The following SDK1 variants were observed in gnomAD, a reference collection of about 807,000 sequenced individuals.
SDK1 encodes the protein protein sidekick-1.
A neutral mutation model predicts 245.5 loss-of-function variants in SDK1; 157 were observed. The ratio of observed to expected loss-of-function variants is 0.64; its 90% CI spans 0.56 to 0.73. The LOEUF (loss-of-function observed/expected upper bound fraction) is 0.73. Ranked by LOEUF, SDK1 falls within the 30% of genes least tolerant of loss-of-function variation. The probability of loss-of-function intolerance (pLI) is 0.00; values close to 1 mark genes in which losing one functional copy is unlikely to be tolerated. For synonymous variants in SDK1, 1,647 were observed against 1,278.5 expected (o/e 1.29, Z -6.15); for missense variants, 3,583 against 3,002.3 (o/e 1.19, Z -4.52).
At chr7:3,958,335 T>A (rs1781423515) in intron 7 of SDK1, 2 of 264,408 alleles carry the variant, frequency 7.6e-6, no homozygotes, top group Non-Finnish European at 1.5e-5. Context: ...CTGTTTTTTT[T>A]TCTGCGGAAC....
At chr7:3,323,266 C>T (rs1427685390) in intron 1 of SDK1, among the ~76,000 whole-genome samples, 1 of 152,194 alleles carries the variant, frequency 6.6e-6, no homozygotes, top group African/African-American at 2.4e-5. Context: ...ACATTCCCTG[C>T]ATCCGGCACA....
chr7:3,687,676 A>T (rs987884102), intron 4 of SDK1, among the ~76,000 whole-genome samples: 3 of 152,180 alleles, frequency 2.0e-5, no homozygotes, highest in African/African-American at 7.2e-5. Context: ...TGACAGAATT[A>T]TCAGAGTGGA....
chr7:3,942,283 A>G (rs183931188), intron 5 of SDK1, among the ~76,000 whole-genome samples: 40 of 152,266 alleles, frequency 2.6e-4, no homozygotes, highest in African/African-American at 8.4e-4. Context: ...ACAGAGATAA[A>G]TAAGACATGC....
intron 25 of SDK1, among the ~76,000 whole-genome samples, chr7:4,123,224 C>T (rs1451645028): frequency 6.6e-6 from 1 of 152,184 alleles, no homozygotes; most frequent in Non-Finnish European, 1.5e-5. Flanking sequence ...TCTCTTTTTG[C>T]AGACAGGGAC....
chr7:3,410,015 C>T lies in SDK1; in HGVS notation c.298+108131C>T, dbSNP rs560990478. Among the ~76,000 whole-genome samples the T allele has an allele frequency of 2.6e-5, 4 of 151,918 alleles. No individual in the cohort carries two copies. In the South Asian group the frequency reaches 8.3e-4, roughly 32 times the overall value. On this transcript the variant is annotated intron_variant, in intron 1 of 44. Transcript: ENST00000404826. The stretch of plus-strand genomic sequence containing the variant: ...GCTGTCTGTGCTTCAATGTCCTCAC[C>T]TGTAAAAGGGATTTAATAGTAGGAT...
chr7:3,348,614 G>A (rs1229398032), intron 1 of SDK1, among the ~76,000 whole-genome samples: 1 of 152,120 alleles, frequency 6.6e-6, no homozygotes, highest in Non-Finnish European at 1.5e-5. Flanking sequence ...CACTACCTGG[G>A]CTATGGGCTC....
chr7:3,461,237 C>G (rs1163155927), intron 1 of SDK1, among the ~76,000 whole-genome samples: 1 of 152,192 alleles, frequency 6.6e-6, no homozygotes, highest in Non-Finnish European at 1.5e-5. Context: ...TGTCTAGTTT[C>G]TCTTGATTCC....
At chr7:3,882,968 A>G (rs960358508) in intron 5 of SDK1, among the ~76,000 whole-genome samples, 6 of 152,170 alleles carry the variant, frequency 3.9e-5, no homozygotes, top group South Asian at 2.1e-4. Flanking sequence ...CCCCGTTTCC[A>G]TAGATCAGTT....
At chr7:3,535,283 A>G (rs1778845295) in intron 1 of SDK1, among the ~76,000 whole-genome samples, 1 of 152,168 alleles carries the variant, frequency 6.6e-6, no homozygotes, top group South Asian at 2.1e-4. Context: ...TAATAAATAA[A>G]GAAAAAGAAA....
intron 1 of SDK1, among the ~76,000 whole-genome samples, chr7:3,310,915 G>A (rs940897147): frequency 2.6e-5 from 4 of 152,190 alleles, no homozygotes; most frequent in Admixed American, 6.5e-5. Context: ...TCCTGTAGTT[G>A]TTGTGAGGGC....
At chr7:4,182,002 C>G (rs1782629217) in intron 35 of SDK1, among the ~76,000 whole-genome samples, 1 of 152,204 alleles carries the variant, frequency 6.6e-6, no homozygotes, top group African/African-American at 2.4e-5. Flanking sequence ...TCACTGCAAT[C>G]TCCATCTCCC....
chr7:3,824,377 A>AT lies in SDK1; in HGVS notation c.847+2799dup, dbSNP rs1779718940. On this transcript the variant is annotated intron_variant, in intron 5 of 44. Coordinates refer to ENST00000404826, the MANE Select transcript of SDK1 (RefSeq NM_152744.4). The stretch of plus-strand genomic sequence containing the variant: ...GCCAATTATCATTTAATGAAGATAC[A>AT]TTTTTGCTTGCTGTCGGGAGAATAA... 2.0e-5 allele frequency among the ~76,000 whole-genome samples: 3 copies of AT among 152,300 alleles called. No homozygotes were observed. The South Asian group carries it at 6.2e-4, about 32-fold the overall frequency.
chr7:3,890,067 G>A (rs1002760920), intron 5 of SDK1, among the ~76,000 whole-genome samples: 1 of 152,198 alleles, frequency 6.6e-6, no homozygotes, highest in Non-Finnish European at 1.5e-5. Context: ...CAGAGCCTTG[G>A]GAGACCGTCT....
At chr7:3,466,341 C>G (rs1781001142) in intron 1 of SDK1, among the ~76,000 whole-genome samples, 1 of 151,178 alleles carries the variant, frequency 6.6e-6, no homozygotes, top group Non-Finnish European at 1.5e-5. Context: ...TGCTGCTTCT[C>G]AAAACATTAA....
chr7:3,613,461 C>T (rs1005391055), intron 1 of SDK1, among the ~76,000 whole-genome samples: 1 of 152,100 alleles, frequency 6.6e-6, no homozygotes, highest in Non-Finnish European at 1.5e-5. Flanking sequence ...CTCTCCAGCA[C>T]CTCTTATTTT....
intron 14 of SDK1, among the ~76,000 whole-genome samples, chr7:3,996,739 C>T (rs539127646): frequency 1.2e-3 from 182 of 152,234 alleles, no homozygotes; most frequent in Non-Finnish European, 2.2e-3. Flanking sequence ...ACGACTTTTC[C>T]ATTGCTCTTC....
chr7:3,779,498 C>A (rs1461609306), intron 4 of SDK1, among the ~76,000 whole-genome samples: 1 of 151,642 alleles, frequency 6.6e-6, no homozygotes, highest in African/African-American at 2.4e-5. Flanking sequence ...CAAATCTGAC[C>A]TGTTTATATT....
chr7:3,482,940 A>G (rs1216898403), intron 1 of SDK1, among the ~76,000 whole-genome samples: 4 of 151,488 alleles, frequency 2.6e-5, no homozygotes, highest in African/African-American at 2.5e-5. Flanking sequence ...GCTGGTGACA[A>G]CAATGATGAT....
intron 17 of SDK1, among the ~76,000 whole-genome samples, chr7:4,046,072 G>T (rs1189179603): frequency 2.0e-5 from 3 of 151,826 alleles, no homozygotes; most frequent in Non-Finnish European, 4.4e-5. Flanking sequence ...GGGACTACAG[G>T]CATGCACTAC....
Sources: allele counts gnomAD v4.1 joint callset (sites outside exome capture counted in the v4.1 genomes callset), GRCh38; gene constraint gnomAD v4.1.1; transcripts MANE v1.5; gene names NCBI Gene and HGNC (gene_info 2026-07-23, HGNC 2026-07-21).